The following PCDHA12 variants were observed in gnomAD, a reference collection of about 807,000 sequenced individuals.
The protein encoded by PCDHA12 is protocadherin alpha 12.
A neutral mutation model predicts 60.0 loss-of-function variants in PCDHA12; 44 were observed. The ratio of observed to expected loss-of-function variants is 0.73; its 90% confidence interval spans 0.58 to 0.94. The LOEUF is 0.94. Among genes scored for constraint, PCDHA12 ranks in the 40% least tolerant of loss-of-function variants. The probability of loss-of-function intolerance (pLI) is 0.00; values close to 1 mark genes in which losing one functional copy is unlikely to be tolerated. For missense variants in PCDHA12, 1,276 were observed against 1,239.7 expected (o/e 1.03, Z -0.44); for synonymous variants, 569 against 553.0 (o/e 1.03, Z -0.40).
At chr5:140,883,280 G>T (rs2059527753) in intron 1 of PCDHA12, 1 of 1,613,990 alleles carries the variant, frequency 6.2e-7, no homozygotes, top group Non-Finnish European at 8.5e-7. Flanking sequence ...TACCCTTTTG[G>T]TGGAAGTACT....
chr5:140,937,229 G>A (rs2091424119), intron 1 of PCDHA12, among the ~76,000 whole-genome samples: 1 of 151,784 alleles, frequency 6.6e-6, no homozygotes, highest in Non-Finnish European at 1.5e-5. Flanking sequence ...TGTAGAGACG[G>A]GGTTTCACCG....
chr5:140,954,355 G>A (rs10054520), intron 1 of PCDHA12, among the ~76,000 whole-genome samples: 9 of 152,232 alleles, frequency 5.9e-5, no homozygotes, highest in African/African-American at 1.7e-4. Context: ...TTGAGGAATC[G>A]CCACACAGTC....
intron 1 of PCDHA12, chr5:140,926,708 C>G (rs1554203635): frequency 2.2e-6 from 2 of 896,142 alleles, no homozygotes; most frequent in South Asian, 5.3e-5. Context: ...CCCAGCTGGC[C>G]AGCCCCGGCA....
intron 3 of PCDHA12, among the ~76,000 whole-genome samples, chr5:141,002,222 G>A (rs1278350490): frequency 2.0e-5 from 3 of 152,212 alleles, no homozygotes; most frequent in Non-Finnish European, 4.4e-5. Context: ...AAAATGATGG[G>A]TTTTCTGGAA....
At chr5:140,925,523 A>G (rs2082536331) in intron 1 of PCDHA12, among the ~76,000 whole-genome samples, 1 of 152,138 alleles carries the variant, frequency 6.6e-6, no homozygotes, top group African/African-American at 2.4e-5. Flanking sequence ...ACCAAATTAA[A>G]AGCGAGGAGA....
At chr5:140,949,474 G>T (rs2094384891) in intron 1 of PCDHA12, among the ~76,000 whole-genome samples, 1 of 151,524 alleles carries the variant, frequency 6.6e-6, no homozygotes, top group Admixed American at 6.6e-5. Flanking sequence ...CTGTTATTAG[G>T]CACACACATT....
chr5:140,895,914 A>G (rs570826611), intron 1 of PCDHA12, among the ~76,000 whole-genome samples: 43 of 152,162 alleles, frequency 2.8e-4, no homozygotes, highest in Non-Finnish European at 1.3e-4. Flanking sequence ...CGGGCTCAAC[A>G]ATTATCCTGC....
At chr5:140,939,590 C>G (rs1385974524) in intron 1 of PCDHA12, among the ~76,000 whole-genome samples, 1 of 152,052 alleles carries the variant, frequency 6.6e-6, no homozygotes, top group African/African-American at 2.4e-5. Flanking sequence ...TTTTAACATA[C>G]CTTGCTCAAA....
intron 1 of PCDHA12, among the ~76,000 whole-genome samples, chr5:140,894,631 A>G (rs1413513485): frequency 6.6e-6 from 1 of 151,582 alleles, no homozygotes; most frequent in Non-Finnish European, 1.5e-5. Flanking sequence ...TTCTCCAATC[A>G]TATCATTACT....
At chr5:140,990,780 G>A (rs900658402) in intron 3 of PCDHA12, among the ~76,000 whole-genome samples, 20 of 152,192 alleles carry the variant, frequency 1.3e-4, no homozygotes, top group African/African-American at 4.8e-4. Flanking sequence ...CTCTGTGTTG[G>A]ACGATGAACC....
At chr5:140,920,131 T>G (rs1207723509) in intron 1 of PCDHA12, among the ~76,000 whole-genome samples, 1 of 152,202 alleles carries the variant, frequency 6.6e-6, no homozygotes, top group Non-Finnish European at 1.5e-5. Context: ...TGAGTTTTAA[T>G]TCTCCTCTCC....
chr5:140,882,020 C>CA, intron 1 of PCDHA12: 1 of 561,726 alleles, frequency 1.8e-6, no homozygotes, highest in East Asian at 3.1e-5. Context: ...AATACTACAT[C>CA]AATGGAAAAT....
At chr5:140,914,038 T>C (rs949307049) in intron 1 of PCDHA12, among the ~76,000 whole-genome samples, 14 of 152,206 alleles carry the variant, frequency 9.2e-5, no homozygotes, top group Non-Finnish European at 1.3e-4. Context: ...GAGAAGAATG[T>C]GTATTCTGCA....
intron 1 of PCDHA12, among the ~76,000 whole-genome samples, chr5:140,942,479 A>G (rs1341688235): frequency 6.6e-6 from 1 of 152,154 alleles, no homozygotes; most frequent in East Asian, 1.9e-4. Flanking sequence ...TTCAAGCTAC[A>G]ACTGAAATAA....
intron 1 of PCDHA12, among the ~76,000 whole-genome samples, chr5:140,899,689 C>A (rs1033793263): frequency 4.6e-5 from 7 of 152,254 alleles, no homozygotes; most frequent in Admixed American, 4.6e-4. Flanking sequence ...ATGATGCTGG[C>A]CTCATAAAAT....
chr5:141,010,074 G>T lies in PCDHA12; in HGVS notation c.*137G>T, dbSNP rs1444826216. The stretch of plus-strand genomic sequence containing the variant: ...CTCAGAAATCTGCAGAAAGTTCCCT[G>T]TGTCTGTCTAGAACGCATTTAACAG... On this transcript the variant is annotated 3_prime_UTR_variant, in exon 4 of 4. Coordinates refer to ENST00000398631, the MANE Select transcript of PCDHA12 (RefSeq NM_018903.4). 6.8e-6 allele frequency: 11 copies of T among 1,607,726 alleles called. No individual in the cohort carries two copies. Among genetic ancestry groups the T allele is most frequent in the Non-Finnish European group, 9.3e-6 (11 of 1,176,762 alleles).
intron 3 of PCDHA12, among the ~76,000 whole-genome samples, chr5:140,989,748 G>A (rs868949345): frequency 1.3e-4 from 20 of 152,192 alleles, no homozygotes; most frequent in African/African-American, 4.8e-4. Context: ...GCCTAATCTG[G>A]AGAAACATAT....
intron 3 of PCDHA12, among the ~76,000 whole-genome samples, chr5:141,004,751 T>C (rs1323540564): frequency 2.0e-5 from 3 of 152,182 alleles, no homozygotes; most frequent in African/African-American, 7.2e-5. Flanking sequence ...TCTCAGTCTC[T>C]TAGAGACAGG....
At chr5:140,968,657 G>C in intron 1 of PCDHA12, 1 of 1,614,142 alleles carries the variant, frequency 6.2e-7, no homozygotes, top group Non-Finnish European at 8.5e-7. Context: ...TTCTGACCTG[G>C]ACCTCTTTAA....
Sources: allele counts gnomAD v4.1 joint callset (sites outside exome capture counted in the v4.1 genomes callset), GRCh38; gene constraint gnomAD v4.1.1; transcripts MANE v1.5; gene names NCBI Gene and HGNC (gene_info 2026-07-23, HGNC 2026-07-21).